The following CYP1A2 variants were observed in gnomAD, a reference collection of about 807,000 sequenced individuals.
CYP1A2 encodes the protein cytochrome P450 family 1 subfamily A member 2, also known as cytochrome P450 1A2.
CYP1A2 carries 35 observed loss-of-function variants against 34.7 expected under a neutral mutation model. The ratio of observed to expected loss-of-function variants is 1.01; its 90% confidence interval spans 0.77 to 1.34. CYP1A2 has a LOEUF of 1.34. Among genes scored for constraint, CYP1A2 ranks in the 40% most tolerant of loss-of-function variants. CYP1A2 has a pLI of 0.00. For synonymous variants in CYP1A2, 288 were observed against 281.9 expected (o/e 1.02, Z -0.22); for missense variants, 675 against 675.8 (o/e 1.00, Z 0.01).
Position 74,749,908 on chromosome 15 carries a change from TG to T in CYP1A2, c.174del (p.Lys59ArgfsTer10). 1 of 1,610,614 alleles carries T rather than the reference TG, an allele frequency of 6.2e-7. No homozygotes were observed. Among genetic ancestry groups the T allele is most frequent in the South Asian group, 1.1e-5 (1 of 90,916 alleles). Reference protein sequence around the residue: ...GWPLLGHVLTLGKNPHLALSR... With the variant: ...GWPLLGHVLTXGKNPHLALSR... ...CCCTTGCTCGGGCATGTGCTGACCC[TG>T]GGGAAGAACCCGCACCTGGCACTGT... is the stretch of plus-strand genomic sequence containing the variant. On this transcript the variant is annotated frameshift_variant, in exon 2 of 7. Transcript: ENST00000343932. LOFTEE classifies it high-confidence loss of function.
At chr15:74,752,856 C>G (rs917551681) in intron 5 of CYP1A2, among the ~76,000 whole-genome samples, 2 of 146,500 alleles carry the variant, frequency 1.4e-5, no homozygotes, top group African/African-American at 5.0e-5. Context: ...GGGGCTGCCC[C>G]AGGCTGCCTG....
rs2063339080 is a variant in CYP1A2, at chr15:74,756,596, C to A, written c.*1508C>A. 6.6e-6 allele frequency among the ~76,000 whole-genome samples: 1 copy of A among 152,176 alleles called. No homozygotes were observed. Among genetic ancestry groups the A allele is most frequent in the African/African-American group, 2.4e-5 (1 of 41,440 alleles). ...AACATTTCATATAAATGGAATTACA[C>A]AATGAGTGGTCTTTTGTGACTGGCT... On this transcript the variant is annotated 3_prime_UTR_variant, in exon 7 of 7. Coordinates refer to ENST00000343932, the MANE Select transcript of CYP1A2 (RefSeq NM_000761.5).
At chr15:74,754,427 CAAAA>C (rs61283447) in intron 6 of CYP1A2, among the ~76,000 whole-genome samples, 1 of 52,206 alleles carries the variant, frequency 1.9e-5, no homozygotes, top group Non-Finnish European at 4.2e-5. Context: ...CCCGTCTCTG[CAAAA>C]AAAAAAAAAA....
Position 74,755,123 on chromosome 15 carries a change from TG to T in CYP1A2, c.*40del. 1.3e-6 allele frequency: 2 copies of T among 1,579,892 alleles called. No homozygotes were observed. Among genetic ancestry groups the T allele is most frequent in the East Asian group, 2.3e-5 (1 of 44,310 alleles). ...CACCATTCTGAGGCCAGGGAGCGAG[TG>T]GGGGCCAGCCACGGGGACTCAGCCC... is the stretch of plus-strand genomic sequence containing the variant. On this transcript the variant is annotated 3_prime_UTR_variant, in exon 7 of 7. Transcript: ENST00000343932.
At position 74,751,272 on chromosome 15, in the gene CYP1A2, G is replaced by A; in HGVS notation, c.915G>A (p.Glu305=). The A allele has an allele frequency of 6.2e-7, 1 of 1,614,166 alleles. No homozygotes were observed. The highest frequency in any genetic ancestry group is 1.3e-5 in the African/African-American group (1 of 75,044). Residue 305 remains glutamate (E), a synonymous_variant, in exon 3 of 7, where the codon GAG becomes GAA. Transcript: ENST00000343932. The stretch of plus-strand genomic sequence containing the variant: ...CCAGCGGCAACCTCATCCCACAGGA[G>A]AAGATTGTCAACCTTGTCAATGACA... ...PRASGNLIPQ[E]KIVNLVNDIF...
chr15:74,750,680 G>T (rs2063311103), intron 2 of CYP1A2, 111 bp downstream of exon 2: 2 of 900,884 alleles, frequency 2.2e-6, no homozygotes, highest in Admixed American at 2.3e-5. Flanking sequence ...GCCTAGGAAG[G>T]CTCTGGACAC....
chr15:74,751,410 C>T, intron 3 of CYP1A2, 101 bp downstream of exon 3: 1 of 1,500,406 alleles, frequency 6.7e-7, no homozygotes, highest in Non-Finnish European at 9.1e-7. Context: ...AACCCTACAC[C>T]AGATGGTACA....
In CYP1A2 at chr15:74,751,848, G is replaced by A. The variant is rs574824024; in HGVS notation, c.1036G>A (p.Glu346Lys). The A allele has an allele frequency of 2.9e-5, 47 of 1,614,052 alleles. No individual in the cohort carries two copies. In the South Asian group the frequency reaches 4.7e-4, roughly 16 times the overall value. The change falls in exon 4 of 7, where the codon GAG becomes AAG. Residue 346 changes from glutamate to lysine, a missense_variant. Transcript: ENST00000343932. ...KPEIQRKIQK[E>K]LDTVIGRERR... ...TGAGATACAGAGGAAGATCCAGAAG[G>A]AGCTGGGTACATGGGGGCCCCCAAC...
Position 74,752,248 on chromosome 15 carries a change from G to T in CYP1A2, c.1166+1G>T, listed in dbSNP as rs1172071025. On this transcript the variant is annotated splice_donor_variant, in intron 5 of 6. Coordinates refer to ENST00000343932, the MANE Select transcript of CYP1A2 (RefSeq NM_000761.5). LOFTEE classifies it high-confidence loss of function. ...TCTTGCCCTTCACCATCCCCCACAG[G>T]TGAGGCCTGCCGGTTCTGCCCTCCC... The T allele has an allele frequency of 1.2e-6, 2 of 1,613,684 alleles. No homozygotes were observed. The highest frequency in any genetic ancestry group is 1.7e-5 in the Admixed American group (1 of 59,958).
At chr15:74,749,597 G>A in intron 1 of CYP1A2, 133 bp from the exon 2 acceptor site, 1 of 731,796 alleles carries the variant, frequency 1.4e-6, no homozygotes, top group South Asian at 2.2e-5. Context: ...GGTAGATGGA[G>A]CTTAGTCTTT....
chr15:74,754,895 T>C lies in CYP1A2; in HGVS notation c.1358T>C (p.Met453Thr), dbSNP rs1336741799. The change falls in exon 7 of 7, where the codon ATG (methionine) becomes ACG (threonine). Residue 453 changes from methionine (M) to threonine (T), a missense_variant. Physicochemically the swap from Met to Thr is moderately conservative, Grantham distance 81. Transcript: ENST00000343932. Reference protein sequence around the residue: ...PLSEKMMLFGMGKRRCIGEVL... With the variant: ...PLSEKMMLFGTGKRRCIGEVL... Reference sequence around the variant, plus strand: ...AGTGAGAAGATGATGCTGTTTGGCATGGGCAAGCGCCGGTGTATCGGGGAA... The same window carrying C: ...AGTGAGAAGATGATGCTGTTTGGCACGGGCAAGCGCCGGTGTATCGGGGAA... The C allele has an allele frequency of 6.2e-7, 1 of 1,614,124 alleles. No individual in the cohort carries two copies. Among genetic ancestry groups the C allele is most frequent in the African/African-American group, 1.3e-5 (1 of 74,940 alleles).
At position 74,750,187 on chromosome 15, in the gene CYP1A2, C is replaced by A. The variant is rs1477440128; in HGVS notation, c.449C>A (p.Ala150Asp). Residue 150 changes from alanine to aspartate, a missense_variant, in exon 2 of 7, where the codon GCC becomes GAC. By Grantham distance (126) the Ala-to-Asp change is moderately radical. Coordinates refer to ENST00000343932, the MANE Select transcript of CYP1A2 (RefSeq NM_000761.5). Reference protein sequence around the residue: ...AQNALNTFSIASDPASSSSCY... With the variant: ...AQNALNTFSIDSDPASSSSCY... ...AATGCCCTCAACACCTTCTCCATCG[C>A]CTCTGACCCAGCTTCCTCATCCTCC... 3 of 1,614,080 alleles carry A rather than the reference C, an allele frequency of 1.9e-6. No homozygotes were observed. The highest frequency in any genetic ancestry group is 4.5e-5 in the East Asian group (2 of 44,896).
At position 74,749,980 on chromosome 15, in the gene CYP1A2, G is replaced by A. The variant is rs1445648921; in HGVS notation, c.242G>A (p.Gly81Asp). The part of the protein sequence containing the change: ...RYGDVLQIRI[G>D]STPVLVLSRL... ...GGGGACGTCCTGCAGATCCGCATTG[G>A]CTCCACGCCCGTGCTGGTGCTGAGC... Residue 81 changes from glycine to aspartate, a missense_variant, in exon 2 of 7, where the codon GGC becomes GAC. Transcript: ENST00000343932. 1.2e-6 allele frequency: 2 copies of A among 1,614,064 alleles called. No individual in the cohort carries two copies. Among genetic ancestry groups the A allele is most frequent in the South Asian group, 1.1e-5 (1 of 91,066 alleles).
chr15:74,755,015 C>T lies in CYP1A2; in HGVS notation c.1478C>T (p.Pro493Leu). 6 of 1,614,190 alleles carry T rather than the reference C, an allele frequency of 3.7e-6. No homozygotes were observed. Among genetic ancestry groups the T allele is most frequent in the Non-Finnish European group, 5.1e-6 (6 of 1,180,030 alleles). The part of the protein sequence containing the change: ...VPPGVKVDLT[P>L]IYGLTMKHAR... ...CCGGGCGTGAAAGTCGACCTGACCC[C>T]CATCTACGGGCTGACCATGAAGCAC... The change falls in exon 7 of 7, where the codon CCC (proline) becomes CTC (leucine). Residue 493 changes from proline (P) to leucine (L), a missense_variant. By Grantham distance (98) the Pro-to-Leu change is moderately conservative. Coordinates refer to ENST00000343932, the MANE Select transcript of CYP1A2 (RefSeq NM_000761.5).
At chr15:74,751,118 G>A in intron 2 of CYP1A2, 71 bp from the exon 3 acceptor site, 1 of 1,592,618 alleles carries the variant, frequency 6.3e-7, no homozygotes, top group Non-Finnish European at 8.6e-7. Context: ...GTACAGGCCA[G>A]GGGAGTGGAG....
rs766926681 is a variant in CYP1A2 at position 74,754,926 on chromosome 15, G to A, written c.1389G>A (p.Leu463=). The A allele has an allele frequency of 1.2e-6, 2 of 1,614,250 alleles. No homozygotes were observed. Among genetic ancestry groups the A allele is most frequent in the South Asian group, 1.1e-5 (1 of 91,090 alleles). The change falls in exon 7 of 7, where the codon CTG becomes CTA. Residue 463 remains leucine, a synonymous_variant. Coordinates refer to ENST00000343932, the MANE Select transcript of CYP1A2 (RefSeq NM_000761.5). The part of the protein sequence containing the change: ...MGKRRCIGEV[L]AKWEIFLFLA... ...AGCGCCGGTGTATCGGGGAAGTCCT[G>A]GCCAAGTGGGAGATCTTCCTCTTCC... is the stretch of plus-strand genomic sequence containing the variant.
chr15:74,755,087 G>A lies in CYP1A2; in HGVS notation c.1550G>A (p.Ter517=), dbSNP rs1352233952. 2 of 1,601,420 alleles carry A rather than the reference G, an allele frequency of 1.2e-6. No individual in the cohort carries two copies. The highest frequency in any genetic ancestry group is 1.1e-5 in the South Asian group (1 of 90,964). Residue 517 remains the stop codon, a stop_retained_variant, in exon 7 of 7, where the codon TGA becomes TAA. Transcript: ENST00000343932. ...VQARLRFSIN[*] is the part of the protein sequence containing the mutation. ...GCGCGGCTGCGCTTCTCCATCAATT[G>A]AAGAAGACACCACCATTCTGAGGCC... is the stretch of plus-strand genomic sequence containing the variant.
In CYP1A2 at chr15:74,756,054, A is replaced by G. The variant is rs2063336687; in HGVS notation, c.*966A>G. On this transcript the variant is annotated 3_prime_UTR_variant, in exon 7 of 7. Coordinates refer to ENST00000343932, the MANE Select transcript of CYP1A2 (RefSeq NM_000761.5). Reference sequence around the variant, plus strand: ...ATGGTCTCCATCTCTTGACCTCGTGATCCACCCGCCTCAGCCTCCCAAAGT... The same window carrying G: ...ATGGTCTCCATCTCTTGACCTCGTGGTCCACCCGCCTCAGCCTCCCAAAGT... 6.7e-6 allele frequency: 1 copy of G among 149,408 alleles called. No homozygotes were observed. 9.3% of individuals were successfully genotyped at this position (149,408 alleles called of 1,614,324 possible). A position where few individuals can be genotyped will look rare whatever the true frequency, so the allele number is the denominator to read the frequency against.
Position 74,752,183 on chromosome 15 carries a change from T to C in CYP1A2, c.1102T>C (p.Leu368=). The C allele has an allele frequency of 1.2e-6, 2 of 1,614,088 alleles. No individual in the cohort carries two copies. Among genetic ancestry groups the C allele is most frequent in the Non-Finnish European group, 1.7e-6 (2 of 1,179,980 alleles). Residue 368 remains leucine (L), a synonymous_variant, in exon 5 of 7, where the codon TTG becomes CTG. Coordinates refer to ENST00000343932, the MANE Select transcript of CYP1A2 (RefSeq NM_000761.5). The stretch of plus-strand genomic sequence containing the variant: ...CTCTGACAGACCCCAGCTGCCCTAC[T>C]TGGAGGCCTTCATCCTGGAGACCTT... The part of the protein sequence containing the change: ...RLSDRPQLPY[L]EAFILETFRH...
Sources: gnomAD v4.1 joint callset for allele counts (sites outside exome capture counted in the v4.1 genomes callset) on GRCh38, gnomAD v4.1.1 for gene constraint, MANE v1.5 for transcripts, NCBI Gene and HGNC (gene_info 2026-07-23, HGNC 2026-07-21) for gene names.